ABCG2: variants seen among roughly 807,000 people sequenced by gnomAD.
ABCG2 encodes broad substrate specificity ATP-binding cassette transporter ABCG2.
ABCG2 carries 80 observed loss-of-function variants against 73.5 expected under a neutral mutation model. That is an observed-to-expected ratio of 1.09 (90% CI 0.91 to 1.31). ABCG2 has a LOEUF of 1.31. Among genes scored for constraint, ABCG2 ranks in the 50% most tolerant of loss-of-function variants. The pLI is 0.00. For synonymous variants in ABCG2, 269 were observed against 282.4 expected (o/e 0.95, Z 0.48); for missense variants, 796 against 786.2 (o/e 1.01, Z -0.15).
At position 88,111,685 on chromosome 4, in the gene ABCG2, T is replaced by C. The variant is rs142326127; in HGVS notation, c.1194+1618A>G. On this transcript the variant is annotated intron_variant, in intron 9 of 15. Transcript: ENST00000237612. Reference sequence around the variant, plus strand: ...CCATCTTTTAGTACTCAACAGAAACTCAATATTGTTAATAAAAATAACAGC... The same window carrying C: ...CCATCTTTTAGTACTCAACAGAAACCCAATATTGTTAATAAAAATAACAGC... 7.2e-5 allele frequency among the ~76,000 whole-genome samples: 11 copies of C among 152,196 alleles called. No homozygotes were observed. In the East Asian group the frequency reaches 2.1e-3, roughly 29 times the overall value.
At chr4:88,110,824 A>AAT (rs1460998290) in intron 9 of ABCG2, among the ~76,000 whole-genome samples, 12 of 139,438 alleles carry the variant, frequency 8.6e-5, no homozygotes, top group African/African-American at 2.7e-4. Context: ...AAAAAAAAAA[A>AAT]ATATATATTG....
chr4:88,116,534 T>TATCTAAAA (rs1491453207), intron 7 of ABCG2, among the ~76,000 whole-genome samples: 1 of 720 alleles, frequency 1.4e-3, no homozygotes, highest in African/African-American at 1.5e-3. Flanking sequence ...CACACATTTC[T>TATCTAAAA]TTTTTTTTTT....
intron 1 of ABCG2, among the ~76,000 whole-genome samples, chr4:88,218,593 C>T (rs534363449): frequency 6.6e-4 from 101 of 152,252 alleles, no homozygotes; most frequent in Non-Finnish European, 1.2e-3. Flanking sequence ...TATCCCTCAC[C>T]CCCTTCCCAC....
At chr4:88,226,724 A>G (rs1241689399) in intron 1 of ABCG2, 1 of 152,448 alleles carries the variant, frequency 6.6e-6, no homozygotes, top group Non-Finnish European at 1.5e-5. Flanking sequence ...CAGTACCCTG[A>G]CATGTTCCTT....
intron 1 of ABCG2, among the ~76,000 whole-genome samples, chr4:88,207,161 T>A (rs578129980): frequency 6.6e-6 from 1 of 152,300 alleles, no homozygotes; most frequent in South Asian, 2.1e-4. Flanking sequence ...GCCACACTCT[T>A]CATAATCCAA....
chr4:88,153,144 G>A (rs1158054699), intron 1 of ABCG2, among the ~76,000 whole-genome samples: 9 of 152,184 alleles, frequency 5.9e-5, no homozygotes, highest in Admixed American at 1.3e-4. Context: ...TTTAAGAGTT[G>A]AGAGTGGCGG....
intron 2 of ABCG2, among the ~76,000 whole-genome samples, chr4:88,134,677 G>A (rs17731565): frequency 0.04 from 6,138 of 152,170 alleles, 161 homozygotes; most frequent in Middle Eastern, 0.061. Context: ...AATCCTAAAT[G>A]ATTAACCCAA....
intron 5 of ABCG2, among the ~76,000 whole-genome samples, chr4:88,129,630 AC>A (rs1309167254): frequency 6.6e-6 from 1 of 152,204 alleles, no homozygotes; most frequent in African/African-American, 2.4e-5. Flanking sequence ...ACTCTTCCAA[AC>A]AAAATACAGT....
chr4:88,098,178 T>C (rs1390957823), intron 12 of ABCG2, among the ~76,000 whole-genome samples: 6 of 152,216 alleles, frequency 3.9e-5, no homozygotes. Context: ...ATCTGAAGAT[T>C]TGAAACAGCC....
chr4:88,183,726 C>T (rs1361912226), intron 1 of ABCG2, among the ~76,000 whole-genome samples: 1 of 151,882 alleles, frequency 6.6e-6, no homozygotes, highest in Non-Finnish European at 1.5e-5. Flanking sequence ...GCCAGTGTTA[C>T]CTTGATGCCA....
At chr4:88,169,047 T>A (rs1450768039) in intron 1 of ABCG2, among the ~76,000 whole-genome samples, 15 of 13,458 alleles carry the variant, frequency 1.1e-3, no homozygotes, top group African/African-American at 1.6e-3. Flanking sequence ...AGTAGTTATC[T>A]TTTTTTTTTT....
chr4:88,120,621 C>T lies in ABCG2; in HGVS notation c.689+1014G>A, dbSNP rs531603683. On this transcript the variant is annotated intron_variant, in intron 6 of 15. Coordinates refer to ENST00000237612, the MANE Select transcript of ABCG2 (RefSeq NM_004827.3). ...TTCGGACTTGCGTGGGACCTGTAGC[C>T]CCTTCGTTTTGGCCAATTTCTCCCA... Among the ~76,000 whole-genome samples the T allele has an allele frequency of 4.3e-4, 66 of 152,030 alleles. 1 individual carries two copies. The highest frequency in any genetic ancestry group is 2.4e-4 in the Non-Finnish European group (16 of 67,996).
chr4:88,092,441 G>A, intron 15 of ABCG2, 60 bp from the exon 16 acceptor site: 1 of 1,548,286 alleles, frequency 6.5e-7, no homozygotes, highest in African/African-American at 1.4e-5. Context: ...ATGTTACTCA[G>A]TATATCCACT....
chr4:88,204,931 C>G lies in ABCG2; in HGVS notation c.-20+26063G>C, dbSNP rs183744794. ...ACTTGAAACTAAAGTCCTATGCTGT[C>G]AAAAGATTTGCCATTTAAGTGCAAA... On this transcript the variant is annotated intron_variant, in intron 1 of 15. Transcript: ENST00000515655. 7.2e-5 allele frequency among the ~76,000 whole-genome samples: 11 copies of G among 152,304 alleles called. No homozygotes were observed. The East Asian group carries it at 2.1e-3, about 29-fold the overall frequency.
intron 1 of ABCG2, among the ~76,000 whole-genome samples, chr4:88,214,905 G>C (rs568368643): frequency 5.7e-4 from 86 of 152,030 alleles, no homozygotes; most frequent in Non-Finnish European, 8.8e-4. Context: ...TTATAGGCGA[G>C]AGCCACAATG....
At chr4:88,164,221 C>T (rs1727424679), upstream of ABCG2, among the ~76,000 whole-genome samples, 1 of 152,120 alleles carries the variant, frequency 6.6e-6, no homozygotes, top group African/African-American at 2.4e-5. Context: ...CACTTGCCAC[C>T]ATGCCTGGTA....
At position 88,139,919 on chromosome 4, in the gene ABCG2, T is replaced by C. The variant is rs373683219; in HGVS notation, c.77A>G (p.Asn26Ser). The change falls in exon 2 of 16, where the codon AAT becomes AGT. Residue 26 changes from asparagine (N) to serine (S), a missense_variant. Asn to Ser is a conservative substitution (Grantham distance 46). Transcript: ENST00000237612. ...NTNGFPATAS[N>S]DLKAFTEGAV... ...TCCTTCAGTAAATGCCTTCAGGTCATTGGAAGCTGTCGCGGGGAAGCCATT... is the reference window on the plus strand; with the variant it reads ...TCCTTCAGTAAATGCCTTCAGGTCACTGGAAGCTGTCGCGGGGAAGCCATT... 4.1e-5 allele frequency: 66 copies of C among 1,614,154 alleles called. No individual in the cohort carries two copies. Among genetic ancestry groups the C allele is most frequent in the East Asian group, 8.9e-5 (4 of 44,882 alleles).
At chr4:88,215,387 A>C (rs1729773117) in intron 1 of ABCG2, among the ~76,000 whole-genome samples, 1 of 152,212 alleles carries the variant, frequency 6.6e-6, no homozygotes, top group Non-Finnish European at 1.5e-5. Flanking sequence ...TATTATAGAC[A>C]AAGAGTTACA....
At chr4:88,167,378 T>C (rs913203108) in intron 1 of ABCG2, among the ~76,000 whole-genome samples, 23 of 147,422 alleles carry the variant, frequency 1.6e-4, no homozygotes, top group African/African-American at 5.6e-4. Flanking sequence ...GCCTTTTTTT[T>C]TTTTTTTTTT....
Sources: gnomAD v4.1 joint callset for allele counts (sites outside exome capture counted in the v4.1 genomes callset) on GRCh38, gnomAD v4.1.1 for gene constraint, MANE v1.5 for transcripts, NCBI Gene and HGNC (gene_info 2026-07-23, HGNC 2026-07-21) for gene names.